CPED1: variants seen among roughly 807,000 people sequenced by gnomAD.
The protein encoded by CPED1 is cadherin like and PC-esterase domain containing 1.
Under a neutral mutation model 128.2 loss-of-function variants are expected in CPED1, and 114 were observed. The observed-to-expected ratio is 0.89, with a 90% CI of 0.76 to 1.04. CPED1 has a LOEUF of 1.04. Ranked by LOEUF, CPED1 falls within the 50% of genes least tolerant of loss-of-function variation. The pLI, the probability that CPED1 is intolerant of heterozygous loss-of-function variation, is 0.00. For synonymous variants in CPED1, 462 were observed against 426.7 expected (o/e 1.08, Z -1.02); for missense variants, 1,211 against 1,207.1 (o/e 1.00, Z -0.05).
rs1452397344 is a variant in CPED1, at chr7:121,097,922, C to T, written c.749+91C>T. ...GCACAGAACAGATATGGGGGGTTCA[C>T]ATGTGTGAATTATTAGTTTCTCTTA... On this transcript the variant is annotated intron_variant, in intron 6 of 22. Transcript: ENST00000310396. The T allele has an allele frequency of 1.5e-5, 19 of 1,272,640 alleles. No individual in the cohort carries two copies. In the Admixed American group the frequency reaches 1.7e-4, roughly 12 times the overall value. 78.8% of individuals were successfully genotyped at this position (1,272,640 alleles called of 1,614,324 possible).
intron 2 of CPED1, among the ~76,000 whole-genome samples, chr7:120,992,458 G>T (rs1390632224): frequency 6.6e-6 from 1 of 152,008 alleles, no homozygotes; most frequent in Non-Finnish European, 1.5e-5. Flanking sequence ...GAAGATCTTT[G>T]GGGGGAAAAT....
chr7:121,097,811 G>T lies in CPED1; in HGVS notation c.729G>T (p.Gly243=), dbSNP rs376665497. ...KTVKPRVWKP[G]DWSREQLNET... ...TGAAGCCACGTGTGTGGAAACCAGG[G>T]GACTGGAGTCGTGAACAGCTGTAAG... The change falls in exon 6 of 23, where the codon GGG becomes GGT. Residue 243 remains glycine (G), a synonymous_variant. Transcript: ENST00000310396. The T allele has an allele frequency of 7.4e-5, 119 of 1,613,564 alleles. No individual in the cohort carries two copies. Among genetic ancestry groups the T allele is most frequent in the Non-Finnish European group, 1.0e-4 (118 of 1,179,740 alleles).
At chr7:121,088,138 T>C (rs1479687630) in intron 5 of CPED1, among the ~76,000 whole-genome samples, 2 of 152,186 alleles carry the variant, frequency 1.3e-5, no homozygotes, top group African/African-American at 4.8e-5. Context: ...TATTTAGCAG[T>C]TTAAAACAGG....
intron 18 of CPED1, among the ~76,000 whole-genome samples, chr7:121,248,264 C>G (rs951314443): frequency 6.6e-6 from 1 of 152,192 alleles, no homozygotes; most frequent in Non-Finnish European, 1.5e-5. Flanking sequence ...CCTCCCTCCA[C>G]AGGACCAGCC....
intron 16 of CPED1, among the ~76,000 whole-genome samples, chr7:121,149,870 A>G (rs1436437223): frequency 2.0e-5 from 3 of 152,144 alleles, no homozygotes; most frequent in African/African-American, 7.2e-5. Flanking sequence ...TTTTTGATTA[A>G]TGCCAGTCCC....
intron 7 of CPED1, among the ~76,000 whole-genome samples, chr7:121,124,130 A>G (rs1414338556): frequency 1.3e-5 from 2 of 152,292 alleles, no homozygotes; most frequent in Admixed American, 1.3e-4. Context: ...TTCTAAAGAA[A>G]TTTAAATTAC....
At chr7:121,102,287 A>G (rs1794868810) in intron 7 of CPED1, among the ~76,000 whole-genome samples, 1 of 152,098 alleles carries the variant, frequency 6.6e-6, no homozygotes, top group South Asian at 2.1e-4. Context: ...CTTTTGAAGT[A>G]GCTGTATTTT....
At chr7:121,122,367 C>G (rs1795412210) in intron 7 of CPED1, among the ~76,000 whole-genome samples, 1 of 152,142 alleles carries the variant, frequency 6.6e-6, no homozygotes, top group Non-Finnish European at 1.5e-5. Flanking sequence ...TCTCGAACTC[C>G]TGATCTCAGG....
rs181746215 is a variant in CPED1, at chr7:121,095,935, G to A, written c.617-1764G>A. On this transcript the variant is annotated intron_variant, in intron 5 of 22. Transcript: ENST00000310396. Reference sequence around the variant, plus strand: ...ACTTTTCTCATACTATACAAAAGAAGCCTCCAAATCAGCTCTTTGGAGAAA... The same window carrying A: ...ACTTTTCTCATACTATACAAAAGAAACCTCCAAATCAGCTCTTTGGAGAAA... Among the ~76,000 whole-genome samples the A allele has an allele frequency of 1.8e-3, 271 of 152,202 alleles. 3 individuals are homozygous for A. Among genetic ancestry groups the A allele is most frequent in the Non-Finnish European group, 3.1e-3 (214 of 67,978 alleles).
At chr7:121,164,527 C>T (rs1339571440) in intron 16 of CPED1, among the ~76,000 whole-genome samples, 4 of 152,158 alleles carry the variant, frequency 2.6e-5, no homozygotes, top group South Asian at 2.1e-4. Flanking sequence ...ACCCCAGGTT[C>T]CCACTCAGTA....
chr7:121,176,054 A>G (rs1796768989), intron 16 of CPED1, among the ~76,000 whole-genome samples: 1 of 151,972 alleles, frequency 6.6e-6, no homozygotes, highest in Admixed American at 6.6e-5. Flanking sequence ...ATTTAGTATG[A>G]CAAGTAGGTG....
At position 121,199,697 on chromosome 7, in the gene CPED1, A is replaced by AAAAGAAAGAAAGAAAGAAAGAAAG. The variant is rs71170232; in HGVS notation, c.2056-36994_2056-36993insGAAAGAAAGAAAGAAAGAAAGAAA. On this transcript the variant is annotated intron_variant, in intron 16 of 22. Coordinates refer to ENST00000310396, the MANE Select transcript of CPED1 (RefSeq NM_024913.5). ...TCAAAAAAAAAAAAAAAAAAAAAAA[A>AAAAGAAAGAAAGAAAGAAAGAAAG]AAAGAAAGAAAGAAAGAAAGAAAAG... is the stretch of plus-strand genomic sequence containing the variant. Among the ~76,000 whole-genome samples the AAAAGAAAGAAAGAAAGAAAGAAAG allele has an allele frequency of 4.5e-3, 188 of 41,696 alleles. 1 individual carries two copies. Among genetic ancestry groups the AAAAGAAAGAAAGAAAGAAAGAAAG allele is most frequent in the South Asian group, 0.02 (11 of 560 alleles). The allele number at this position is 41,696 out of a possible 152,430, so 27.4% of individuals were successfully genotyped here. A position where few individuals can be genotyped will look rare whatever the true frequency, so the allele number is the denominator to read the frequency against.
intron 4 of CPED1, among the ~76,000 whole-genome samples, chr7:121,061,501 C>T (rs1793672089): frequency 6.6e-6 from 1 of 152,134 alleles, no homozygotes; most frequent in African/African-American, 2.4e-5. Flanking sequence ...AAGTGTAACA[C>T]ATGGCCCACT....
chr7:121,284,820 T>A (rs1017214038), intron 22 of CPED1, among the ~76,000 whole-genome samples: 6 of 152,180 alleles, frequency 3.9e-5, no homozygotes, highest in African/African-American at 1.4e-4. Context: ...TGGCGTTGAG[T>A]GTCTGTGGCT....
intron 16 of CPED1, among the ~76,000 whole-genome samples, chr7:121,159,939 A>T (rs1796376767): frequency 1.3e-5 from 2 of 152,216 alleles, no homozygotes; most frequent in African/African-American, 4.8e-5. Context: ...TTACATTAAT[A>T]TGACATTCTT....
intron 6 of CPED1, 126 bp downstream of exon 6, chr7:121,097,957 T>G: frequency 5.5e-6 from 5 of 903,828 alleles, no homozygotes; most frequent in Non-Finnish European, 8.0e-6. Flanking sequence ...ACATAAATTT[T>G]CAGCTATCCT....
chr7:120,997,928 AAAATAAAATAAAAT>A (rs1175450871), intron 2 of CPED1, among the ~76,000 whole-genome samples: 195 of 3,566 alleles, frequency 0.055, 5 homozygotes, highest in African/African-American at 0.099. Context: ...GTCTCGAAAA[AAAATAAAATAAAAT>A]AAAATAAAAT....
chr7:121,123,820 T>G (rs1429747286), intron 7 of CPED1, among the ~76,000 whole-genome samples: 1 of 152,196 alleles, frequency 6.6e-6, no homozygotes, highest in East Asian at 1.9e-4. Context: ...GAAGCAACTT[T>G]GATATATTTA....
chr7:121,292,713 C>G (rs1425847968), intron 22 of CPED1, among the ~76,000 whole-genome samples: 1 of 151,938 alleles, frequency 6.6e-6, no homozygotes, highest in Non-Finnish European at 1.5e-5. Flanking sequence ...GGTGGGTGTC[C>G]TTTTTGTTGA....
Sources: allele counts gnomAD v4.1 joint callset (sites outside exome capture counted in the v4.1 genomes callset), GRCh38; gene constraint gnomAD v4.1.1; transcripts MANE v1.5; gene names NCBI Gene and HGNC (gene_info 2026-07-23, HGNC 2026-07-21).